The following SMYD1 variants were observed in gnomAD, a reference collection of about 807,000 sequenced individuals.
SMYD1 encodes the protein SET and MYND domain containing 1.
In SMYD1, 49 loss-of-function variants were observed where a neutral mutation model predicts 54.0. That is an observed-to-expected ratio of 0.91 (90% CI 0.72 to 1.15). SMYD1 has a LOEUF of 1.15. Among genes scored for constraint, SMYD1 ranks in the 50% most tolerant of loss-of-function variants. SMYD1 has a pLI of 0.00. For missense variants in SMYD1, 653 were observed against 639.6 expected (o/e 1.02, Z -0.23); for synonymous variants, 269 against 234.2 (o/e 1.15, Z -1.36).
rs1223201735 is a variant in SMYD1 at position 88,110,377 on chromosome 2, G to A, written c.1338G>A (p.Met446Ile). The A allele has an allele frequency of 1.2e-6, 2 of 1,612,876 alleles. No individual in the cohort carries two copies. Among genetic ancestry groups the A allele is most frequent in the Non-Finnish European group, 1.7e-6 (2 of 1,179,502 alleles). ...DLEAMRVQTE[M>I]ELRMFRQNEF... ...AGGCCATGCGGGTGCAGACGGAGAT[G>A]GAGCTACGCATGTTCCGCCAGAACG... Residue 446 changes from methionine (M) to isoleucine (I), a missense_variant, in exon 10 of 10, where the codon ATG becomes ATA. Transcript: ENST00000419482.
intron 1 of SMYD1, among the ~76,000 whole-genome samples, chr2:88,078,703 C>A (rs1032889560): frequency 1.3e-5 from 2 of 152,206 alleles, no homozygotes; most frequent in South Asian, 2.1e-4. Context: ...CCAGCCCCCA[C>A]CCCACATACT....
chr2:88,105,568 C>T (rs1674843464), intron 7 of SMYD1, among the ~76,000 whole-genome samples: 2 of 152,128 alleles, frequency 1.3e-5, no homozygotes, highest in Non-Finnish European at 1.5e-5. Context: ...TATGTAAATG[C>T]TGTGTAAATA....
intron 8 of SMYD1, among the ~76,000 whole-genome samples, chr2:88,106,937 A>G (rs1674889408): frequency 6.6e-6 from 1 of 152,188 alleles, no homozygotes; most frequent in East Asian, 1.9e-4. Context: ...GCGGTGGCTC[A>G]CGCCTGTAAT....
At chr2:88,079,237 G>C (rs1406868702) in intron 1 of SMYD1, among the ~76,000 whole-genome samples, 1 of 152,204 alleles carries the variant, frequency 6.6e-6, no homozygotes, top group Admixed American at 6.5e-5. Context: ...CCTTCTCCTG[G>C]TCACAGTGGT....
chr2:88,098,934 T>G (rs1338957648), intron 6 of SMYD1, among the ~76,000 whole-genome samples: 3 of 152,230 alleles, frequency 2.0e-5, no homozygotes, highest in Non-Finnish European at 4.4e-5. Flanking sequence ...AATATATGCG[T>G]ATGTAAACCT....
intron 6 of SMYD1, among the ~76,000 whole-genome samples, chr2:88,099,168 C>A (rs1674666008): frequency 6.6e-6 from 1 of 152,062 alleles, no homozygotes; most frequent in Non-Finnish European, 1.5e-5. Flanking sequence ...CTCACTGCAG[C>A]CTCGACTTTC....
At chr2:88,102,994 A>G (rs1674755424) in intron 6 of SMYD1, 64 bp from the exon 7 acceptor site, 1 of 1,287,914 alleles carries the variant, frequency 7.8e-7, no homozygotes, top group Non-Finnish European at 1.1e-6. Flanking sequence ...GATGGCAACT[A>G]TTCAAAGGTG....
chr2:88,100,607 T>C (rs1034173782), intron 6 of SMYD1, among the ~76,000 whole-genome samples: 1 of 152,202 alleles, frequency 6.6e-6, no homozygotes, highest in African/African-American at 2.4e-5. Context: ...GTCACAGAAC[T>C]CTGCACAACC....
At chr2:88,092,513 T>C (rs752970032) in intron 4 of SMYD1, among the ~76,000 whole-genome samples, 1 of 152,244 alleles carries the variant, frequency 6.6e-6, no homozygotes, top group Admixed American at 6.5e-5. Context: ...CAATGGTGTC[T>C]GGTTCTCAGC....
intron 1 of SMYD1, among the ~76,000 whole-genome samples, chr2:88,079,640 T>C (rs1377850319): frequency 6.6e-6 from 1 of 152,038 alleles, no homozygotes; most frequent in Non-Finnish European, 1.5e-5. Flanking sequence ...ACCAACATGG[T>C]GAAAACCCGT....
At chr2:88,089,591 T>G (rs1573111238) in intron 3 of SMYD1, among the ~76,000 whole-genome samples, 1 of 142,978 alleles carries the variant, frequency 7.0e-6, no homozygotes. Context: ...ACCTGTTTTT[T>G]TTTTTTTTTT....
At chr2:88,092,994 C>T (rs552965386) in intron 4 of SMYD1, among the ~76,000 whole-genome samples, 1 of 152,334 alleles carries the variant, frequency 6.6e-6, no homozygotes, top group East Asian at 1.9e-4. Flanking sequence ...CATTTCCTGT[C>T]TAGCCACCTG....
In SMYD1 at chr2:88,084,362, C is replaced by G. The variant is rs779623196; in HGVS notation, c.184C>G (p.Leu62Val). 6.3e-7 allele frequency: 1 copy of G among 1,592,642 alleles called. No individual in the cohort carries two copies. Among genetic ancestry groups the G allele is most frequent in the Non-Finnish European group, 8.6e-7 (1 of 1,162,184 alleles). ...CACCTGCTTCAAGAGGCAGGAGAAGCTCCATCGCTGTGGGCAGTGCAAGTT... is the reference window on the plus strand; with the variant it reads ...CACCTGCTTCAAGAGGCAGGAGAAGGTCCATCGCTGTGGGCAGTGCAAGTT... ...CHTCFKRQEK[L>V]HRCGQCKFAH... Residue 62 changes from leucine (L) to valine (V), a missense_variant, in exon 2 of 10, where the codon CTC becomes GTC. Transcript: ENST00000419482.
Position 88,111,519 on chromosome 2 carries a change from C to G in SMYD1, c.*1007C>G, listed in dbSNP as rs1402270854. 1 of 152,872 alleles carries G rather than the reference C, an allele frequency of 6.5e-6. No homozygotes were observed. The highest frequency in any genetic ancestry group is 1.5e-5 in the Non-Finnish European group (1 of 68,528). 9.5% of individuals were successfully genotyped at this position (152,872 alleles called of 1,614,324 possible). A position where few individuals can be genotyped will look rare whatever the true frequency, so the allele number is the denominator to read the frequency against. On this transcript the variant is annotated 3_prime_UTR_variant, in exon 10 of 10. Transcript: ENST00000419482. The stretch of plus-strand genomic sequence containing the variant: ...ACCAGCTTAGACTCTATCATGGGCC[C>G]CCATGAAGCTCCATTCTCAATACTG...
chr2:88,082,628 A>G (rs2103986899), intron 1 of SMYD1: 1 of 154,406 alleles, frequency 6.5e-6, no homozygotes, highest in South Asian at 2.0e-4. Flanking sequence ...TCTCAGCTAA[A>G]CCCAACCTCC....
chr2:88,099,827 T>G (rs1674678896), intron 6 of SMYD1, among the ~76,000 whole-genome samples: 1 of 150,756 alleles, frequency 6.6e-6, no homozygotes, highest in Admixed American at 6.6e-5. Context: ...CCTCTTTGGC[T>G]CCTTTTCCTC....
At chr2:88,103,241 C>CG in intron 7 of SMYD1, 91 bp downstream of exon 7, 1 of 432,784 alleles carries the variant, frequency 2.3e-6, no homozygotes, top group South Asian at 2.3e-5. Flanking sequence ...GAACGGGCGG[C>CG]GGGGGAGGGG....
At chr2:88,104,364 C>T (rs1674807456) in intron 7 of SMYD1, among the ~76,000 whole-genome samples, 1 of 152,232 alleles carries the variant, frequency 6.6e-6, no homozygotes, top group Non-Finnish European at 1.5e-5. Context: ...ACACAAGACA[C>T]TCTCCTTGCC....
At chr2:88,093,799 T>C (rs1487996615) in intron 5 of SMYD1, among the ~76,000 whole-genome samples, 1 of 152,178 alleles carries the variant, frequency 6.6e-6, no homozygotes, top group Non-Finnish European at 1.5e-5. Context: ...TCACTTCCAC[T>C]GCTCTTCCAA....
Sources: gnomAD v4.1 joint callset for allele counts (sites outside exome capture counted in the v4.1 genomes callset) on GRCh38, gnomAD v4.1.1 for gene constraint, MANE v1.5 for transcripts, NCBI Gene and HGNC (gene_info 2026-07-23, HGNC 2026-07-21) for gene names.